CNGB3: variants seen among roughly 807,000 people sequenced by gnomAD.
The protein encoded by CNGB3 is cyclic nucleotide-gated channel beta-3.
Under a neutral mutation model 92.8 loss-of-function variants are expected in CNGB3, and 86 were observed. The ratio of observed to expected loss-of-function variants is 0.93; its 90% CI spans 0.78 to 1.11. The LOEUF is 1.11. Ranked by LOEUF, CNGB3 falls within the 50% of genes least tolerant of loss-of-function variation. The pLI is 0.00. For missense variants in CNGB3, 1,026 were observed against 956.8 expected, an observed-to-expected ratio of 1.07 and a Z score of -0.95; for synonymous variants, 333 against 332.7, an observed-to-expected ratio of 1.00 and a Z score of -0.01.
chr8:86,739,560 G>T (rs1479761246), intron 2 of CNGB3, 95 bp downstream of exon 2: 4 of 1,558,784 alleles, frequency 2.6e-6, no homozygotes, highest in Non-Finnish European at 3.5e-6. Flanking sequence ...AATTCACCTA[G>T]TCAAGGACAA....
chr8:86,714,414 A>G lies in CNGB3; in HGVS notation c.338+12117T>C, dbSNP rs1052891260. ...GGTTCAAGAGATTCTAGTATTTTAAATTATATTCACCCCAAATAATGTTCT... is the reference window on the plus strand; with the variant it reads ...GGTTCAAGAGATTCTAGTATTTTAAGTTATATTCACCCCAAATAATGTTCT... On this transcript the variant is annotated intron_variant, in intron 3 of 17. Transcript: ENST00000320005. Among the ~76,000 whole-genome samples, 3 of 152,134 alleles carry G rather than the reference A, an allele frequency of 2.0e-5. No homozygotes were observed. In the East Asian group the frequency reaches 5.8e-4, roughly 29 times the overall value.
At position 86,617,636 on chromosome 8, in the gene CNGB3, C is replaced by A. The variant is rs377190647; in HGVS notation, c.1579-5965G>T. ...AATATTACTTCTAAGTAATATTAGA[C>A]CTAAACTTACAGTCAATATTTGCAA... On this transcript the variant is annotated intron_variant, in intron 13 of 17. Transcript: ENST00000320005. Among the ~76,000 whole-genome samples, 9 of 152,208 alleles carry A rather than the reference C, an allele frequency of 5.9e-5. No individual in the cohort carries two copies. The East Asian group carries it at 1.5e-3, about 26-fold the overall frequency.
rs199570140 is a variant in CNGB3 at position 86,575,929 on chromosome 8, A to AGTGG, written c.2301_2304dup (p.Ser769ProfsTer4). On this transcript the variant is annotated frameshift_variant, in exon 18 of 18. Transcript: ENST00000320005. LOFTEE classifies it low-confidence loss of function (END_TRUNC). ...CTGGGTAAAACTGTCCTTCTAACTG[A>AGTGG]GTGGGGTTCTTCCTCCACTGCAATA... is the stretch of plus-strand genomic sequence containing the variant. 67 of 1,614,012 alleles carry AGTGG rather than the reference A, an allele frequency of 4.2e-5. 1 individual carries two copies. In the East Asian group the frequency reaches 1.5e-3, roughly 36 times the overall value.
At chr8:86,733,020 CT>C (rs564462768) in intron 2 of CNGB3, among the ~76,000 whole-genome samples, 215 of 151,308 alleles carry the variant, frequency 1.4e-3, no homozygotes, top group African/African-American at 4.7e-3. Flanking sequence ...TTTAACTTTT[CT>C]TTTTTTTTGT....
At chr8:86,589,193 A>C (rs1821966637) in intron 15 of CNGB3, among the ~76,000 whole-genome samples, 3 of 148,252 alleles carry the variant, frequency 2.0e-5, no homozygotes, top group African/African-American at 5.0e-5. Flanking sequence ...TATCCCCTTT[A>C]TCATTTTTTA....
chr8:86,629,145 T>C (rs1234181920), intron 11 of CNGB3, 67 bp from the exon 12 acceptor site: 16 of 1,527,240 alleles, frequency 1.0e-5, no homozygotes, highest in Non-Finnish European at 1.4e-5. Flanking sequence ...TCAAATTACA[T>C]GTTTTCCACA....
chr8:86,614,690 C>T (rs1395939003), intron 13 of CNGB3, among the ~76,000 whole-genome samples: 3 of 152,062 alleles, frequency 2.0e-5, no homozygotes, highest in South Asian at 2.1e-4. Context: ...ACGGGTCAGA[C>T]GAAAGCCACA....
intron 12 of CNGB3, among the ~76,000 whole-genome samples, chr8:86,627,820 T>A (rs1211326539): frequency 6.6e-6 from 1 of 152,176 alleles, no homozygotes; most frequent in Non-Finnish European, 1.5e-5. Context: ...AGTTGACCCT[T>A]GAACAACACG....
chr8:86,645,315 C>T (rs563878399), intron 8 of CNGB3, among the ~76,000 whole-genome samples: 1 of 150,740 alleles, frequency 6.6e-6, no homozygotes, highest in Non-Finnish European at 1.5e-5. Flanking sequence ...TGCACTCCTA[C>T]TTCCTACTTC....
chr8:86,597,343 A>T (rs1293461985), intron 15 of CNGB3, among the ~76,000 whole-genome samples: 1 of 152,190 alleles, frequency 6.6e-6, no homozygotes, highest in African/African-American at 2.4e-5. Context: ...CTCTTTGGAC[A>T]TTCTGGTGCA....
chr8:86,671,069 A>G lies in CNGB3; in HGVS notation c.368T>C (p.Val123Ala). 6.2e-7 allele frequency: 1 copy of G among 1,614,008 alleles called. No homozygotes were observed. Among genetic ancestry groups the G allele is most frequent in the Non-Finnish European group, 8.5e-7 (1 of 1,180,004 alleles). ...CTGGGCATCGGCATACTCATTTATA[A>G]CAGGAGCTGCAGGCGGTTTGTTTTG... ...SPQNKPPAAP[V>A]INEYADAQLH... is the part of the protein sequence containing the mutation. Residue 123 changes from valine (V) to alanine (A), a missense_variant, in exon 4 of 18, where the codon GTT becomes GCT. Val to Ala is a moderately conservative substitution (Grantham distance 64). Transcript: ENST00000320005.
intron 2 of CNGB3, among the ~76,000 whole-genome samples, 189 bp from the exon 3 acceptor site, chr8:86,726,846 C>T (rs984943714): frequency 4.6e-5 from 7 of 152,040 alleles, no homozygotes; most frequent in Non-Finnish European, 1.5e-5. Flanking sequence ...CACCTTCAGG[C>T]CAATGAAAAA....
At chr8:86,693,924 C>T (rs977509561) in intron 3 of CNGB3, among the ~76,000 whole-genome samples, 1 of 152,154 alleles carries the variant, frequency 6.6e-6, no homozygotes. Context: ...CACAAAACCG[C>T]CATTGTCATC....
chr8:86,703,921 A>G (rs1466120485), intron 3 of CNGB3: 1 of 152,232 alleles, frequency 6.6e-6, no homozygotes, highest in Non-Finnish European at 1.5e-5. Flanking sequence ...AAGAATAAAT[A>G]TCATAAAAAC....
chr8:86,642,607 T>C (rs1823213064), intron 10 of CNGB3, among the ~76,000 whole-genome samples: 1 of 151,662 alleles, frequency 6.6e-6, no homozygotes, highest in African/African-American at 2.4e-5. Context: ...TTCAAAGTAA[T>C]GCTGGGACCT....
intron 7 of CNGB3, among the ~76,000 whole-genome samples, chr8:86,648,340 T>C (rs377089228): frequency 3.3e-5 from 5 of 151,198 alleles, no homozygotes; most frequent in Non-Finnish European, 7.4e-5. Context: ...GTTGATTATA[T>C]TGTGGTTCAT....
At chr8:86,710,367 C>G (rs894967448) in intron 3 of CNGB3, among the ~76,000 whole-genome samples, 1 of 152,040 alleles carries the variant, frequency 6.6e-6, no homozygotes, top group African/African-American at 2.4e-5. Context: ...GGAGATATCC[C>G]CCACTCCCCA....
chr8:86,627,017 C>G (rs1261210865), intron 12 of CNGB3, among the ~76,000 whole-genome samples: 1 of 150,886 alleles, frequency 6.6e-6, no homozygotes, highest in Admixed American at 6.6e-5. Context: ...CCTCCACCCT[C>G]CAGTAGGCCA....
chr8:86,702,327 A>G (rs988866971), intron 3 of CNGB3, among the ~76,000 whole-genome samples: 1 of 152,184 alleles, frequency 6.6e-6, no homozygotes, highest in African/African-American at 2.4e-5. Context: ...GCTATTCTGT[A>G]TTGTTCTATC....
Sources: allele counts gnomAD v4.1 joint callset (sites outside exome capture counted in the v4.1 genomes callset), GRCh38; gene constraint gnomAD v4.1.1; transcripts MANE v1.5; gene names NCBI Gene and HGNC (gene_info 2026-07-23, HGNC 2026-07-21).